MCM10: variants seen among roughly 807,000 people sequenced by gnomAD.
The protein encoded by MCM10 is protein MCM10 homolog.
Under a neutral mutation model 109.9 loss-of-function variants are expected in MCM10, and 91 were observed. The ratio of observed to expected loss-of-function variants is 0.83; its 90% confidence interval spans 0.70 to 0.99. MCM10 has a LOEUF of 0.99. MCM10 is among the 50% of genes least tolerant of loss of function. MCM10 has a pLI of 0.00. For synonymous variants in MCM10, 380 were observed against 387.2 expected (o/e 0.98, Z 0.22); for missense variants, 1,077 against 1,061.2 (o/e 1.01, Z -0.21).
intron 14 of MCM10, 198 bp downstream of exon 14, chr10:13,195,467 G>C (rs1834404902): frequency 1.2e-5 from 6 of 503,218 alleles, no homozygotes; most frequent in Non-Finnish European, 2.1e-5. Context: ...GGCTACAAGA[G>C]GTAGCCTAGA....
At chr10:13,162,639 T>A (rs1324828650) in intron 1 of MCM10, among the ~76,000 whole-genome samples, 1 of 152,106 alleles carries the variant, frequency 6.6e-6, no homozygotes, top group African/African-American at 2.4e-5. Flanking sequence ...GTGCACAGTT[T>A]CATTTTGGGG....
At position 13,192,303 on chromosome 10, in the gene MCM10, T is replaced by A; in HGVS notation, c.1565T>A (p.Met522Lys). Residue 522 changes from methionine to lysine, a missense_variant, in exon 12 of 20, where the codon ATG (methionine) becomes AAG (lysine). By Grantham distance (95) the Met-to-Lys change is moderately conservative. Transcript: ENST00000378714. The stretch of plus-strand genomic sequence containing the variant: ...TGCTCTGAGGAGTTCAAGGAACTGA[T>A]GGACCTGCCGACGTGTGGAGCCAGG... ...LSCSEEFKELMDLPTCGARNL... is the reference protein window; with the variant it reads ...LSCSEEFKELKDLPTCGARNL... The A allele has an allele frequency of 6.2e-7, 1 of 1,614,198 alleles. No homozygotes were observed. The highest frequency in any genetic ancestry group is 1.1e-5 in the South Asian group (1 of 91,076).
At chr10:13,183,562 A>G (rs1253935635) in intron 8 of MCM10, among the ~76,000 whole-genome samples, 1 of 152,238 alleles carries the variant, frequency 6.6e-6, no homozygotes, top group African/African-American at 2.4e-5. Context: ...ATTACCCATC[A>G]GTATTCTGAA....
chr10:13,172,463 G>T lies in MCM10; in HGVS notation c.437G>T (p.Arg146Leu). 1 of 1,613,952 alleles carries T rather than the reference G, an allele frequency of 6.2e-7. No individual in the cohort carries two copies. The highest frequency in any genetic ancestry group is 1.1e-5 in the South Asian group (1 of 91,046). The change falls in exon 4 of 20, where the codon CGT (arginine) becomes CTT (leucine). Residue 146 changes from arginine (R) to leucine (L), a missense_variant. Arg to Leu is a moderately radical substitution (Grantham distance 102). Transcript: ENST00000378714. This position sits in a 1 kb window ranked among gnomAD's most constrained non-coding sequence, Gnocchi z 5.2. Reference protein sequence around the residue: ...TTIKQTASPARLQKSPEKSPR... With the variant: ...TTIKQTASPALLQKSPEKSPR... ...ATTAAACAGACAGCAAGCCCAGCCC[G>T]TCTGCAAAAATCCCCTGGTAAGAAG...
At chr10:13,176,355 A>T (rs948954831) in intron 6 of MCM10, among the ~76,000 whole-genome samples, 100 of 152,220 alleles carry the variant, frequency 6.6e-4, no homozygotes, top group African/African-American at 2.3e-3. Flanking sequence ...AATTTTTTTA[A>T]TTATCTATAC....
rs572992850 is a variant in MCM10, at chr10:13,178,328, A to T, written c.765-2114A>T. 3.9e-5 allele frequency among the ~76,000 whole-genome samples: 6 copies of T among 152,336 alleles called. No homozygotes were observed. The East Asian group carries it at 9.6e-4, about 24-fold the overall frequency. ...GGTCTCAAACTCCTGACCTCAGGTG[A>T]TCCACCTGCCTCGGCCTCCCAAAGT... On this transcript the variant is annotated intron_variant, in intron 6 of 19. Coordinates refer to ENST00000378714, the MANE Select transcript of MCM10 (RefSeq NM_018518.5).
chr10:13,175,813 C>T (rs1332332655), intron 6 of MCM10, 132 bp downstream of exon 6: 1 of 617,914 alleles, frequency 1.6e-6, no homozygotes, highest in Non-Finnish European at 2.8e-6. Flanking sequence ...GACAAAACAC[C>T]ACTGGAAGAC....
chr10:13,176,954 A>G (rs1301609937), intron 6 of MCM10, among the ~76,000 whole-genome samples: 1 of 152,236 alleles, frequency 6.6e-6, no homozygotes, highest in African/African-American at 2.4e-5. Context: ...ATGTATTTAT[A>G]TCTTAATTAC....
chr10:13,194,989 T>A, intron 13 of MCM10, 52 bp from the exon 14 acceptor site: 1 of 1,550,238 alleles, frequency 6.5e-7, no homozygotes, highest in Admixed American at 1.8e-5. Context: ...AGTTCTAGAG[T>A]TTTTATTTTC....
At chr10:13,196,547 C>G (rs1358445418) in intron 14 of MCM10, among the ~76,000 whole-genome samples, 1 of 152,166 alleles carries the variant, frequency 6.6e-6, no homozygotes, top group Non-Finnish European at 1.5e-5. Context: ...GAGTCTCGCT[C>G]TGTCACCCAG....
At chr10:13,196,582 G>A (rs1276142904) in intron 14 of MCM10, among the ~76,000 whole-genome samples, 3 of 151,748 alleles carry the variant, frequency 2.0e-5, no homozygotes, top group Admixed American at 6.6e-5. Flanking sequence ...GTCCGATCTC[G>A]CCTCACTGCA....
At chr10:13,168,165 C>G (rs1014948227) in intron 2 of MCM10, among the ~76,000 whole-genome samples, 4 of 152,216 alleles carry the variant, frequency 2.6e-5, no homozygotes, top group African/African-American at 9.6e-5. Flanking sequence ...CAGACGGGAA[C>G]AAGAGATGGT....
At chr10:13,191,549 C>T in intron 11 of MCM10, 150 bp downstream of exon 11, 1 of 616,308 alleles carries the variant, frequency 1.6e-6, no homozygotes, top group South Asian at 2.0e-5. Flanking sequence ...TATTCATGCA[C>T]AAAAATAAAT....
intron 14 of MCM10, among the ~76,000 whole-genome samples, chr10:13,196,152 C>T (rs1031643471): frequency 6.6e-6 from 1 of 152,176 alleles, no homozygotes; most frequent in African/African-American, 2.4e-5. Flanking sequence ...CAAGCAGTCC[C>T]ACCTCAGCCT....
rs985372286 is a variant in MCM10 at position 13,210,560 on chromosome 10, T to C, written c.*1250T>C. Reference sequence around the variant, plus strand: ...TAGGGACATAACACTTTTGGGAGGTTGTTGTGGGAGATGGTTGATTTAGGT... The same window carrying C: ...TAGGGACATAACACTTTTGGGAGGTCGTTGTGGGAGATGGTTGATTTAGGT... On this transcript the variant is annotated 3_prime_UTR_variant, in exon 20 of 20. Coordinates refer to ENST00000378714, the MANE Select transcript of MCM10 (RefSeq NM_018518.5). 6.6e-6 allele frequency: 1 copy of C among 152,190 alleles called. No homozygotes were observed. Among genetic ancestry groups the C allele is most frequent in the Non-Finnish European group, 1.5e-5 (1 of 68,038 alleles). 9.4% of individuals were successfully genotyped at this position (152,190 alleles called of 1,614,324 possible).
intron 16 of MCM10, among the ~76,000 whole-genome samples, chr10:13,201,128 A>G (rs1179888809): frequency 2.0e-5 from 3 of 152,238 alleles, no homozygotes; most frequent in African/African-American, 7.2e-5. Context: ...CCTAGGTTAC[A>G]GCGAGACTCC....
chr10:13,170,480 C>T (rs756238429), intron 2 of MCM10, among the ~76,000 whole-genome samples: 4 of 151,826 alleles, frequency 2.6e-5, no homozygotes, highest in Non-Finnish European at 4.4e-5. Flanking sequence ...TCATGGAAGT[C>T]GGTGTGCGGG....
At chr10:13,204,678 A>T (rs1834547139) in intron 18 of MCM10, among the ~76,000 whole-genome samples, 1 of 151,802 alleles carries the variant, frequency 6.6e-6, no homozygotes, top group African/African-American at 2.4e-5. Context: ...TAGGATGCAC[A>T]TAATATTTTT....
intron 6 of MCM10, 133 bp from the exon 7 acceptor site, chr10:13,180,309 A>T: frequency 1.8e-6 from 1 of 548,656 alleles, no homozygotes; most frequent in Non-Finnish European, 3.0e-6. Flanking sequence ...CCTTGGTCAT[A>T]CTATATAACT....
Sources: gnomAD v4.1 joint callset for allele counts (sites outside exome capture counted in the v4.1 genomes callset) on GRCh38, gnomAD v4.1.1 for gene constraint, Gnocchi (gnomAD v3.1) non-coding constraint, MANE v1.5 for transcripts, NCBI Gene and HGNC (gene_info 2026-07-23, HGNC 2026-07-21) for gene names.